Variants in PACRG observed in about 807,000 individuals in gnomAD.
The protein encoded by PACRG is parkin coregulated.
PACRG carries 29 observed loss-of-function variants against 29.7 expected under a neutral mutation model. The observed-to-expected ratio is 0.98, with a 90% CI of 0.73 to 1.33. The LOEUF is 1.33. PACRG is among the 40% of genes most tolerant of loss of function. The pLI, the probability that PACRG is intolerant of heterozygous loss-of-function variation, is 0.00. For synonymous variants in PACRG, 116 were observed against 118.7 expected, an observed-to-expected ratio of 0.98 and a Z score of 0.15; for missense variants, 279 against 316.2, an observed-to-expected ratio of 0.88 and a Z score of 0.89.
At chr6:163,288,560 C>T (rs1197884725) in intron 4 of PACRG, among the ~76,000 whole-genome samples, 6 of 152,188 alleles carry the variant, frequency 3.9e-5, no homozygotes, top group Admixed American at 3.9e-4. Context: ...ACTGTCATAC[C>T]TTTGAATGGG....
intron 2 of PACRG, among the ~76,000 whole-genome samples, chr6:162,862,080 G>C (rs1396176525): frequency 6.6e-6 from 1 of 152,132 alleles, no homozygotes; most frequent in African/African-American, 2.4e-5. Context: ...ACCACACGTT[G>C]GTCAGAAAGA....
chr6:162,943,477 T>C (rs2128121708), intron 2 of PACRG, among the ~76,000 whole-genome samples: 1 of 152,244 alleles, frequency 6.6e-6, no homozygotes, highest in Middle Eastern at 3.4e-3. Context: ...GCTGCCTGCG[T>C]ATGGCTGCTG....
chr6:163,269,967 GAAAGAAAGAAA>G lies in PACRG; in HGVS notation c.614-44859_614-44849del, dbSNP rs1377787553. Among the ~76,000 whole-genome samples the G allele has an allele frequency of 5.3e-5, 3 of 56,118 alleles. 1 individual carries two copies. Among genetic ancestry groups the G allele is most frequent in the African/African-American group, 2.1e-4 (3 of 14,316 alleles). The allele number at this position is 56,118 out of a possible 152,430, so 36.8% of individuals were successfully genotyped here. The stretch of plus-strand genomic sequence containing the variant: ...AGAAAGAAAGAAAGAAAGAAAGAAA[GAAAGAAAGAAA>G]GAAAGAAAGAAAGAAAGAAAGAAAG... On this transcript the variant is annotated intron_variant, in intron 4 of 4. Coordinates refer to ENST00000366888, the MANE Select transcript of PACRG (RefSeq NM_001080379.2).
At chr6:163,290,275 C>T (rs13191433) in intron 4 of PACRG, among the ~76,000 whole-genome samples, 30,940 of 113,284 alleles carry the variant, frequency 0.27, 3,495 homozygotes, top group Middle Eastern at 0.37. Flanking sequence ...CACGCGCGCG[C>T]GCGCACACAC....
chr6:163,019,676 T>G (rs1806431446), intron 2 of PACRG, among the ~76,000 whole-genome samples: 1 of 152,190 alleles, frequency 6.6e-6, no homozygotes, highest in Non-Finnish European at 1.5e-5. Context: ...TGGGTCTTAG[T>G]GGTCAGAGGT....
chr6:163,214,794 G>A (rs867325791), intron 4 of PACRG, among the ~76,000 whole-genome samples: 1 of 152,074 alleles, frequency 6.6e-6, no homozygotes. Context: ...ACTGTTGGCT[G>A]CCATTTCAAT....
chr6:163,134,516 T>C (rs1816853866), intron 4 of PACRG, among the ~76,000 whole-genome samples: 1 of 152,184 alleles, frequency 6.6e-6, no homozygotes, highest in Non-Finnish European at 1.5e-5. Context: ...GACACATATT[T>C]AGAGGAAGGA....
intron 2 of PACRG, among the ~76,000 whole-genome samples, chr6:162,988,385 G>A (rs76869640): frequency 6.6e-6 from 1 of 152,152 alleles, no homozygotes; most frequent in South Asian, 2.1e-4. Context: ...AAGCTGGGAC[G>A]CTTGAGTTGA....
chr6:162,834,331 T>A (rs985884540), intron 2 of PACRG, among the ~76,000 whole-genome samples: 1 of 151,988 alleles, frequency 6.6e-6, no homozygotes, highest in African/African-American at 2.4e-5. Flanking sequence ...TAAAAAGGTG[T>A]TTTTAAACCC....
intron 4 of PACRG, among the ~76,000 whole-genome samples, chr6:163,213,576 T>G (rs990088704): frequency 2.6e-5 from 4 of 152,222 alleles, no homozygotes; most frequent in African/African-American, 9.6e-5. Context: ...TGGTGATAAA[T>G]GAAGTTTAGT....
chr6:162,790,514 C>T (rs950442560), intron 1 of PACRG, among the ~76,000 whole-genome samples: 1 of 149,802 alleles, frequency 6.7e-6, no homozygotes, highest in African/African-American at 2.5e-5. Flanking sequence ...ATAGTTTTCT[C>T]CATATATATA....
At chr6:163,130,166 C>T (rs987053576) in intron 4 of PACRG, among the ~76,000 whole-genome samples, 3 of 152,182 alleles carry the variant, frequency 2.0e-5, no homozygotes, top group East Asian at 1.9e-4. Flanking sequence ...ACCACAAAGC[C>T]GCTTAGTCCT....
At chr6:163,173,834 G>A (rs1333883423) in intron 4 of PACRG, among the ~76,000 whole-genome samples, 1 of 152,240 alleles carries the variant, frequency 6.6e-6, no homozygotes, top group African/African-American at 2.4e-5. Context: ...TGGGGTTAGA[G>A]TGTTGGTGCC....
intron 3 of PACRG, among the ~76,000 whole-genome samples, chr6:163,065,844 C>T (rs1480531376): frequency 6.6e-6 from 1 of 152,154 alleles, no homozygotes; most frequent in Non-Finnish European, 1.5e-5. Flanking sequence ...AGAGAATAAT[C>T]AACTGCACAA....
intron 2 of PACRG, among the ~76,000 whole-genome samples, chr6:162,931,154 C>A (rs997566624): frequency 2.0e-5 from 3 of 151,582 alleles, no homozygotes; most frequent in Non-Finnish European, 3.0e-5. Flanking sequence ...ATTGTTTTAA[C>A]CAATTTTTGA....
At chr6:163,221,242 C>T (rs1342615691) in intron 4 of PACRG, among the ~76,000 whole-genome samples, 2 of 152,170 alleles carry the variant, frequency 1.3e-5, no homozygotes, top group Non-Finnish European at 2.9e-5. Context: ...TTATTTGTTC[C>T]TGTATTCCCA....
chr6:162,752,314 A>G (rs1038524813), intron 1 of PACRG, among the ~76,000 whole-genome samples: 1 of 152,182 alleles, frequency 6.6e-6, no homozygotes, highest in Non-Finnish European at 1.5e-5. Flanking sequence ...GTATGTGAAG[A>G]CTGACCAAAA....
At chr6:162,965,771 T>C (rs1038990493) in intron 2 of PACRG, among the ~76,000 whole-genome samples, 2 of 152,164 alleles carry the variant, frequency 1.3e-5, no homozygotes, top group African/African-American at 4.8e-5. Context: ...CAGGCCTGGA[T>C]TCAGATAAAG....
At chr6:162,938,009 T>A (rs973690523) in intron 2 of PACRG, among the ~76,000 whole-genome samples, 1 of 152,154 alleles carries the variant, frequency 6.6e-6, no homozygotes, top group African/African-American at 2.4e-5. Context: ...CCAAGTAGTA[T>A]ACATTGCACA....
Sources: allele counts gnomAD v4.1 joint callset (sites outside exome capture counted in the v4.1 genomes callset), GRCh38; gene constraint gnomAD v4.1.1; transcripts MANE v1.5; gene names NCBI Gene and HGNC (gene_info 2026-07-23, HGNC 2026-07-21).